The following MSTO1 variants were observed in gnomAD, a reference collection of about 807,000 sequenced individuals.
MSTO1 encodes the protein misato mitochondrial distribution and morphology regulator 1.
In MSTO1, 24 loss-of-function variants were observed where a neutral mutation model predicts 55.7. The observed-to-expected ratio is 0.43, with a 90% CI of 0.31 to 0.61. The LOEUF is 0.61. Ranked by LOEUF, MSTO1 falls within the 20% of genes least tolerant of loss-of-function variation. The pLI is 0.09. For synonymous variants in MSTO1, 162 were observed against 252.8 expected (o/e 0.64, Z 3.41); for missense variants, 363 against 625.7 (o/e 0.58, Z 4.48).
chr1:155,576,583 C>T, the MSTO1 span, among the ~76,000 whole-genome samples: 2 of 151,826 alleles, frequency 1.3e-5, no homozygotes, highest in African/African-American at 4.8e-5. Context: ...CCTCAGCCTC[C>T]CAAAGTGCTG....
chr1:155,576,752 G>A, the MSTO1 span, among the ~76,000 whole-genome samples: 3 of 150,088 alleles, frequency 2.0e-5, no homozygotes, highest in Non-Finnish European at 3.0e-5. Context: ...AGTGGCACAC[G>A]CCTGTAATCC....
rs1445881909 is a variant in MSTO1, at chr1:155,614,049, C to T, written c.1499-10C>T. The T allele has an allele frequency of 8.3e-6, 13 of 1,558,902 alleles. No homozygotes were observed. The highest frequency in any genetic ancestry group is 2.7e-5 in the African/African-American group (2 of 73,186). The stretch of plus-strand genomic sequence containing the variant: ...CCATCTACAGGTCTCTGTTTCCTCT[C>T]CCTCCACAGCAGTGGAGAGCATCCC... On this transcript the variant is annotated splice_polypyrimidine_tract_variant and intron_variant, in intron 13 of 13. Coordinates refer to ENST00000245564, the MANE Select transcript of MSTO1 (RefSeq NM_018116.4).
At chr1:155,595,413 C>T in the MSTO1 span, among the ~76,000 whole-genome samples, 14 of 151,514 alleles carry the variant, frequency 9.2e-5, no homozygotes, top group Non-Finnish European at 1.5e-4. Flanking sequence ...CTCCTGACCT[C>T]GTGATCTGCG....
the MSTO1 span, among the ~76,000 whole-genome samples, chr1:155,585,955 G>C: frequency 6.6e-6 from 1 of 150,756 alleles, no homozygotes; most frequent in African/African-American, 2.5e-5. Flanking sequence ...GTCATACTAT[G>C]CTAGATGTAG....
chr1:155,596,402 G>A, the MSTO1 span, among the ~76,000 whole-genome samples: 1 of 152,110 alleles, frequency 6.6e-6, no homozygotes, highest in Non-Finnish European at 1.5e-5. Flanking sequence ...TACATCTACG[G>A]TTTACTTTGA....
chr1:155,584,961 G>A, the MSTO1 span, among the ~76,000 whole-genome samples: 44 of 151,250 alleles, frequency 2.9e-4, 1 homozygote, highest in African/African-American at 1.0e-3. Flanking sequence ...TGGTCTCACT[G>A]TGTCATCTAA....
chr1:155,568,803 G>C, the MSTO1 span, among the ~76,000 whole-genome samples: 6 of 151,306 alleles, frequency 4.0e-5, no homozygotes, highest in East Asian at 1.2e-3. Context: ...TTGAATTTGA[G>C]ATTTGAGCTA....
At chr1:155,566,026 C>G in the MSTO1 span, 1 of 152,204 alleles carries the variant, frequency 6.6e-6, no homozygotes, top group Non-Finnish European at 1.5e-5. Flanking sequence ...AGTGAGCTCT[C>G]TGCAATGGCC....
At chr1:155,583,898 T>C in the MSTO1 span, among the ~76,000 whole-genome samples, 103 of 152,130 alleles carry the variant, frequency 6.8e-4, 1 homozygote, top group East Asian at 0.018. Flanking sequence ...TCAAATACTA[T>C]TGGAGTGACA....
chr1:155,572,333 T>A, the MSTO1 span, among the ~76,000 whole-genome samples: 2,675 of 152,268 alleles, frequency 0.018, 88 homozygotes, highest in African/African-American at 0.062. Context: ...GAACTACTAA[T>A]TTAGAGAAAG....
upstream of MSTO1, chr1:155,609,965 A>G (rs544735268): frequency 1.9e-5 from 9 of 467,126 alleles, no homozygotes; most frequent in South Asian, 1.4e-4. Context: ...GGCGGCCCCA[A>G]GTCAGCGGCG....
At chr1:155,598,692 A>G in the MSTO1 span, 1 of 429,948 alleles carries the variant, frequency 2.3e-6, no homozygotes, top group Non-Finnish European at 4.2e-6. Context: ...ACTGCTTTCC[A>G]GCCTGGAGAA....
At chr1:155,610,972 G>A in intron 2 of MSTO1, 67 bp from the exon 3 acceptor site, 3 of 481,170 alleles carry the variant, frequency 6.2e-6, no homozygotes, top group South Asian at 2.2e-5. Context: ...GTGATCAGAG[G>A]AAGGTTAGCT....
At chr1:155,584,887 T>A in the MSTO1 span, among the ~76,000 whole-genome samples, 2 of 151,088 alleles carry the variant, frequency 1.3e-5, no homozygotes, top group African/African-American at 4.8e-5. Flanking sequence ...ACTACAGGCA[T>A]GTGCCACAGT....
At chr1:155,590,936 C>T in the MSTO1 span, 1 of 1,613,760 alleles carries the variant, frequency 6.2e-7, no homozygotes, top group Admixed American at 1.7e-5. Flanking sequence ...GAATCCTTCT[C>T]CTCCACACAG....
chr1:155,580,949 T>C, the MSTO1 span, among the ~76,000 whole-genome samples: 10 of 149,776 alleles, frequency 6.7e-5, no homozygotes, highest in Non-Finnish European at 1.3e-4. Context: ...ACTCTAATAC[T>C]CTAACACTAC....
upstream of MSTO1, among the ~76,000 whole-genome samples, chr1:155,605,210 G>A (rs992160921): frequency 2.0e-5 from 3 of 151,474 alleles, no homozygotes; most frequent in African/African-American, 7.3e-5. Context: ...GCAGTGAGCT[G>A]AGATTGTGCC....
rs772020543 is a variant in MSTO1, at chr1:155,614,059, C to T, written c.1499C>T (p.Ala500Val). 33 of 1,447,918 alleles carry T rather than the reference C, an allele frequency of 2.3e-5. No individual in the cohort carries two copies. The East Asian group carries it at 6.6e-4, about 29-fold the overall frequency. 89.7% of individuals were successfully genotyped at this position (1,447,918 alleles called of 1,614,324 possible). A position where few individuals can be genotyped will look rare whatever the true frequency, so the allele number is the denominator to read the frequency against. ...MVLDGSPKGA[A>V]VESIPVFGAL... ...GTCTCTGTTTCCTCTCCCTCCACAGCAGTGGAGAGCATCCCAGTGTTTGGG... is the reference window on the plus strand; with the variant it reads ...GTCTCTGTTTCCTCTCCCTCCACAGTAGTGGAGAGCATCCCAGTGTTTGGG... Residue 500 changes from alanine (A) to valine (V), a missense_variant and splice_region_variant, in exon 14 of 14, where the codon GCA becomes GTA. Around this residue, in one of 3 missense-constraint regions of MSTO1, gnomAD observed 38 missense variants for 126.4 expected, o/e 0.30. Coordinates refer to ENST00000245564, the MANE Select transcript of MSTO1 (RefSeq NM_018116.4).
At chr1:155,594,887 A>G in the MSTO1 span, among the ~76,000 whole-genome samples, 1 of 152,200 alleles carries the variant, frequency 6.6e-6, no homozygotes, top group Non-Finnish European at 1.5e-5. Context: ...CTGTAATCCA[A>G]GCACTTTGGG....
Sources: allele counts gnomAD v4.1 joint callset (sites outside exome capture counted in the v4.1 genomes callset), GRCh38; gene constraint gnomAD v4.1.1; regional missense constraint gnomAD v4.1.1; transcripts MANE v1.5; gene names NCBI Gene and HGNC (gene_info 2026-07-23, HGNC 2026-07-21).